Variants in DIAPH3 observed in about 807,000 individuals in gnomAD.
The protein encoded by DIAPH3 is diaphanous related formin 3, also known as protein diaphanous homolog 3.
A neutral mutation model predicts 144.3 loss-of-function variants in DIAPH3; 117 were observed. That is an observed-to-expected ratio of 0.81 (90% CI 0.70 to 0.95). DIAPH3 has a LOEUF of 0.95. Ranked by LOEUF, DIAPH3 falls within the 40% of genes least tolerant of loss-of-function variation. The pLI is 0.00. For synonymous variants in DIAPH3, 519 were observed against 488.9 expected (o/e 1.06, Z -0.81); for missense variants, 1,421 against 1,412.7 (o/e 1.01, Z -0.09).
chr13:59,912,636 G>A (rs767893432), intron 19 of DIAPH3, among the ~76,000 whole-genome samples: 3 of 152,084 alleles, frequency 2.0e-5, no homozygotes, highest in African/African-American at 2.4e-5. Context: ...CTATAATAGC[G>A]TTACAAGAAG....
intron 5 of DIAPH3, among the ~76,000 whole-genome samples, chr13:60,027,939 A>G (rs1752143970): frequency 6.6e-6 from 1 of 152,090 alleles, no homozygotes; most frequent in Non-Finnish European, 1.5e-5. Context: ...TGTCACTACT[A>G]CCCAATGCTG....
intron 9 of DIAPH3, among the ~76,000 whole-genome samples, chr13:59,994,074 G>T (rs2052027876): frequency 6.6e-6 from 1 of 151,652 alleles, no homozygotes; most frequent in Admixed American, 6.6e-5. Context: ...TAGAAATAAG[G>T]GAAAGGATAA....
At chr13:60,146,678 C>T (rs532476665) in intron 1 of DIAPH3, among the ~76,000 whole-genome samples, 3 of 152,356 alleles carry the variant, frequency 2.0e-5, no homozygotes, top group South Asian at 4.1e-4. Context: ...TGCAGCCTAA[C>T]TGTCCTTGGA....
intron 22 of DIAPH3, among the ~76,000 whole-genome samples, chr13:59,848,182 A>T (rs1320796297): frequency 3.3e-5 from 5 of 151,988 alleles, no homozygotes; most frequent in Non-Finnish European, 7.4e-5. Context: ...ACCATTATTC[A>T]TCTACACTTT....
chr13:59,869,355 C>G (rs187980811), intron 21 of DIAPH3, among the ~76,000 whole-genome samples: 3 of 152,212 alleles, frequency 2.0e-5, no homozygotes, highest in Admixed American at 2.0e-4. Context: ...AGGGTCCTTG[C>G]TGGTCTGATA....
intron 27 of DIAPH3, among the ~76,000 whole-genome samples, chr13:59,695,618 C>A (rs1012272805): frequency 2.6e-5 from 4 of 152,128 alleles, no homozygotes; most frequent in African/African-American, 9.7e-5. Flanking sequence ...GATCTCCAGT[C>A]AGGTAAATGA....
chr13:59,980,896 C>CT, intron 13 of DIAPH3, 37 bp from the exon 14 acceptor site: 1 of 1,539,814 alleles, frequency 6.5e-7, no homozygotes, highest in Non-Finnish European at 8.9e-7. Flanking sequence ...TAATGTGAAA[C>CT]TTCTTAAACT....
At chr13:59,714,429 G>C (rs1402894189) in intron 27 of DIAPH3, among the ~76,000 whole-genome samples, 1 of 151,958 alleles carries the variant, frequency 6.6e-6, no homozygotes, top group African/African-American at 2.4e-5. Context: ...CAGCTACTTG[G>C]GAGGTGAAGG....
chr13:59,820,974 C>T (rs905754510), intron 24 of DIAPH3, among the ~76,000 whole-genome samples: 4 of 151,464 alleles, frequency 2.6e-5, no homozygotes, highest in African/African-American at 4.8e-5. Context: ...TATATTTTTG[C>T]GACATAGAAA....
At chr13:60,157,964 T>A (rs1952108598) in intron 1 of DIAPH3, among the ~76,000 whole-genome samples, 1 of 152,200 alleles carries the variant, frequency 6.6e-6, no homozygotes, top group Admixed American at 6.5e-5. Context: ...TTTCTCCTCA[T>A]TTATCAGCTA....
chr13:60,029,549 G>A (rs2054632796), intron 5 of DIAPH3, among the ~76,000 whole-genome samples: 1 of 152,154 alleles, frequency 6.6e-6, no homozygotes, highest in Non-Finnish European at 1.5e-5. Flanking sequence ...GTTCTCACAA[G>A]ATCTGATGGC....
At chr13:59,924,499 A>T (rs1193912432) in intron 18 of DIAPH3, among the ~76,000 whole-genome samples, 4 of 151,958 alleles carry the variant, frequency 2.6e-5, no homozygotes, top group African/African-American at 9.7e-5. Context: ...TATACTTTAA[A>T]AAAAGGGACT....
chr13:59,976,295 T>G (rs1025185530), intron 14 of DIAPH3, among the ~76,000 whole-genome samples: 2 of 152,000 alleles, frequency 1.3e-5, no homozygotes, highest in African/African-American at 4.8e-5. Context: ...CAGCCTCATC[T>G]TAGGTGATCT....
In DIAPH3 at chr13:59,677,249, T is replaced by C. The variant is rs138719399; in HGVS notation, c.3320-10403A>G. The stretch of plus-strand genomic sequence containing the variant: ...ACACTTTGGAGTAATATTACCCAGA[T>C]ACAGCTGATGACATAACATTTTGCT... On this transcript the variant is annotated intron_variant, in intron 27 of 27. Coordinates refer to ENST00000400324, the MANE Select transcript of DIAPH3 (RefSeq NM_001042517.2). Among the ~76,000 whole-genome samples the C allele has an allele frequency of 5.3e-5, 8 of 152,268 alleles. No individual in the cohort carries two copies. In the East Asian group the frequency reaches 1.5e-3, roughly 29 times the overall value.
At chr13:59,762,344 G>A (rs2037646953) in intron 27 of DIAPH3, among the ~76,000 whole-genome samples, 1 of 152,126 alleles carries the variant, frequency 6.6e-6, no homozygotes, top group Admixed American at 6.5e-5. Flanking sequence ...ACAGGCGTGA[G>A]CCACCGCGCC....
chr13:60,026,156 T>C (rs1334254536), intron 5 of DIAPH3, among the ~76,000 whole-genome samples: 2 of 152,104 alleles, frequency 1.3e-5, no homozygotes, highest in African/African-American at 4.8e-5. Context: ...CTCTTATACA[T>C]CCCCACACAC....
intron 27 of DIAPH3, among the ~76,000 whole-genome samples, chr13:59,699,047 T>C (rs1464299745): frequency 3.9e-5 from 6 of 152,212 alleles, no homozygotes; most frequent in Non-Finnish European, 7.3e-5. Flanking sequence ...CTAGGAATAG[T>C]AGACAACAAA....
chr13:59,997,877 A>G (rs1405179436), intron 9 of DIAPH3, among the ~76,000 whole-genome samples: 3 of 152,098 alleles, frequency 2.0e-5, no homozygotes, highest in Admixed American at 1.3e-4. Flanking sequence ...TATCAGCTTC[A>G]GGAGCTAAAT....
intron 1 of DIAPH3, among the ~76,000 whole-genome samples, chr13:60,142,677 A>G (rs1165049705): frequency 3.3e-5 from 5 of 151,842 alleles, no homozygotes; most frequent in Non-Finnish European, 7.4e-5. Context: ...TCCTACCATC[A>G]GGGACTCTTT....
Sources: allele counts gnomAD v4.1 joint callset (sites outside exome capture counted in the v4.1 genomes callset), GRCh38; gene constraint gnomAD v4.1.1; transcripts MANE v1.5; gene names NCBI Gene and HGNC (gene_info 2026-07-23, HGNC 2026-07-21).